The following PSIP1 variants were observed in gnomAD, a reference collection of about 807,000 sequenced individuals.
The protein encoded by PSIP1 is PC4 and SRSF1 interacting protein 1.
In PSIP1, 19 loss-of-function variants were observed where a neutral mutation model predicts 74.7. That is an observed-to-expected ratio of 0.25 (90% CI 0.18 to 0.37). PSIP1 has a LOEUF of 0.37. Ranked by LOEUF, PSIP1 falls within the 10% of genes least tolerant of loss-of-function variation. The probability of loss-of-function intolerance (pLI) is 1.00; values close to 1 mark genes in which losing one functional copy is unlikely to be tolerated. For missense variants in PSIP1, 601 were observed against 614.3 expected, an observed-to-expected ratio of 0.98 and a Z score of 0.23; for synonymous variants, 222 against 195.3, an observed-to-expected ratio of 1.14 and a Z score of -1.14.
At chr9:15,468,399 A>C (rs533188975) in intron 14 of PSIP1, 13 of 699,944 alleles carry the variant, frequency 1.9e-5, no homozygotes, top group Non-Finnish European at 3.4e-5. Flanking sequence ...CATCTGCCTC[A>C]TGAGCAATGG....
At chr9:15,502,890 T>C (rs943674307) in intron 3 of PSIP1, among the ~76,000 whole-genome samples, 2 of 152,240 alleles carry the variant, frequency 1.3e-5, no homozygotes, top group African/African-American at 2.4e-5. Flanking sequence ...TTACTATGAA[T>C]GTCCTAAGTA....
rs971317842 is a variant in PSIP1 at position 15,465,174 on chromosome 9, G to A, written c.*346C>T. 8.1e-6 allele frequency: 2 copies of A among 248,296 alleles called. No individual in the cohort carries two copies. The highest frequency in any genetic ancestry group is 4.4e-5 in the African/African-American group (2 of 45,622). The allele number at this position is 248,296 out of a possible 1,614,324, so 15.4% of individuals were successfully genotyped here. On this transcript the variant is annotated 3_prime_UTR_variant, in exon 16 of 16. Transcript: ENST00000380733. ...CACAGTATTTGGGAAAAGAGGCAAGGTTTATACAAGTAGCAGTTTTAAAAA... is the reference window on the plus strand; with the variant it reads ...CACAGTATTTGGGAAAAGAGGCAAGATTTATACAAGTAGCAGTTTTAAAAA...
intron 5 of PSIP1, 56 bp from the exon 6 acceptor site, chr9:15,486,124 A>C: frequency 7.2e-7 from 1 of 1,382,374 alleles, no homozygotes; most frequent in Admixed American, 2.0e-5. Flanking sequence ...GAATGAAAGA[A>C]ACCTTGTTAA....
In PSIP1 at chr9:15,509,956, G is replaced by C. The variant is rs533913452; in HGVS notation, c.72+161C>G. Among the ~76,000 whole-genome samples the C allele has an allele frequency of 2.6e-5, 4 of 152,244 alleles. No homozygotes were observed. In the South Asian group the frequency reaches 8.3e-4, roughly 32 times the overall value. On this transcript the variant is annotated intron_variant, in intron 2 of 15. Transcript: ENST00000380733. ...AACGTCTGGATTTTCATAATTACACGGGAGATTATTGGGCAAAAAACTAAA... is the reference window on the plus strand; with the variant it reads ...AACGTCTGGATTTTCATAATTACACCGGAGATTATTGGGCAAAAAACTAAA...
At chr9:15,509,623 A>G (rs779076051) in intron 2 of PSIP1, among the ~76,000 whole-genome samples, 13 of 152,254 alleles carry the variant, frequency 8.5e-5, no homozygotes, top group Non-Finnish European at 1.5e-4. Context: ...TGTATTAAAC[A>G]AGCAAATCCA....
chr9:15,469,130 T>A, intron 12 of PSIP1, 72 bp from the exon 13 acceptor site: 1 of 1,472,246 alleles, frequency 6.8e-7, no homozygotes, highest in Non-Finnish European at 9.3e-7. Context: ...CTAAAGATCG[T>A]TTCCAAAAAA....
Position 15,486,072 on chromosome 9 carries a change from A to AAAAAG in PSIP1, c.394-9_394-5dup. On this transcript the variant is annotated splice_region_variant and splice_polypyrimidine_tract_variant and intron_variant, in intron 5 of 15. Transcript: ENST00000380733. ...TGTCAACTGCTTTAGTCACATCCTA[A>AAAAAG]AAAAGAAAAAAGAAAACTGAATACT... 1 of 1,579,988 alleles carries AAAAAG rather than the reference A, an allele frequency of 6.3e-7. No homozygotes were observed. Among genetic ancestry groups the AAAAAG allele is most frequent in the Non-Finnish European group, 8.6e-7 (1 of 1,157,094 alleles).
chr9:15,474,922 A>G (rs184664530), intron 8 of PSIP1, among the ~76,000 whole-genome samples: 48 of 152,340 alleles, frequency 3.2e-4, no homozygotes, highest in South Asian at 1.0e-3. Flanking sequence ...CTGTCCAAAG[A>G]ATTTCATTGA....
In PSIP1 at chr9:15,476,010, C is replaced by T. The variant is rs77871450; in HGVS notation, c.630-1773G>A. Among the ~76,000 whole-genome samples the T allele has an allele frequency of 9.9e-3, 1,512 of 152,160 alleles. 29 individuals are homozygous for T. Among genetic ancestry groups the T allele is most frequent in the African/African-American group, 0.035 (1,454 of 41,502 alleles). On this transcript the variant is annotated intron_variant, in intron 8 of 15. Coordinates refer to ENST00000380733, the MANE Select transcript of PSIP1 (RefSeq NM_033222.5). ...TCTGGGCTCTATTCTACTGTTGTGT[C>T]ACATCAGTACCCGTGACAAAGAAGT... is the stretch of plus-strand genomic sequence containing the variant.
chr9:15,502,672 G>A (rs1008878627), intron 3 of PSIP1, among the ~76,000 whole-genome samples: 1 of 152,178 alleles, frequency 6.6e-6, no homozygotes, highest in African/African-American at 2.4e-5. Context: ...CAAAGAACAA[G>A]ATTTGCTGAC....
Position 15,479,632 on chromosome 9 carries a change from G to C in PSIP1, c.512C>G (p.Ser171Cys). The C allele has an allele frequency of 6.2e-7, 1 of 1,610,358 alleles. No homozygotes were observed. Among genetic ancestry groups the C allele is most frequent in the Non-Finnish European group, 8.5e-7 (1 of 1,178,496 alleles). The change falls in exon 7 of 16, where the codon TCT (serine) becomes TGT (cysteine). Residue 171 changes from serine (S) to cysteine (C), a missense_variant. Ser to Cys is a moderately radical substitution (Grantham distance 112). This residue lies in a region of PSIP1 where 538 missense variants were observed against 507.6 expected (regional missense o/e 1.06). Coordinates refer to ENST00000380733, the MANE Select transcript of PSIP1 (RefSeq NM_033222.5). ...EAGVVTTATA[S>C]VNLKVSPKRG... is the part of the protein sequence containing the mutation. Reference sequence around the variant, plus strand: ...TTTAGGACTCACTTTTAGATTAACAGATGCTGTTGCTGTTGTCACTACTCC... The same window carrying C: ...TTTAGGACTCACTTTTAGATTAACACATGCTGTTGCTGTTGTCACTACTCC...
At chr9:15,503,159 G>C (rs746034685) in intron 3 of PSIP1, among the ~76,000 whole-genome samples, 3 of 152,140 alleles carry the variant, frequency 2.0e-5, no homozygotes, top group African/African-American at 4.8e-5. Flanking sequence ...TTGAGGTCAG[G>C]AGTTTGAGAC....
At chr9:15,488,932 A>C (rs1165894825) in intron 4 of PSIP1, among the ~76,000 whole-genome samples, 1 of 152,150 alleles carries the variant, frequency 6.6e-6, no homozygotes, top group East Asian at 1.9e-4. Context: ...GAGGCAGGAG[A>C]ATGGTGTGAA....
Position 15,510,171 on chromosome 9 carries a change from T to C in PSIP1, c.18A>G (p.Lys6=). 6.2e-7 allele frequency: 1 copy of C among 1,605,774 alleles called. No homozygotes were observed. The highest frequency in any genetic ancestry group is 1.4e-5 in the African/African-American group (1 of 73,778). The change falls in exon 2 of 16, where the codon AAA becomes AAG. Residue 6 remains lysine, a synonymous_variant. Transcript: ENST00000380733. ...TCTTGGCGAAGATGAGGTCTCCAGGTTTGAAATCGCGAGTCATGTTTCGGG... is the reference window on the plus strand; with the variant it reads ...TCTTGGCGAAGATGAGGTCTCCAGGCTTGAAATCGCGAGTCATGTTTCGGG... MTRDF[K]PGDLIFAKMK... is the part of the protein sequence containing the mutation.
In PSIP1 at chr9:15,468,691, C is replaced by T. The variant is rs925126838; in HGVS notation, c.1359G>A (p.Ala453=). 23 of 1,613,912 alleles carry T rather than the reference C, an allele frequency of 1.4e-5. No homozygotes were observed. The highest frequency in any genetic ancestry group is 1.8e-5 in the Non-Finnish European group (21 of 1,179,986). ...TCTTCCCTTGATCTTTGGTTTTATT[C>T]GCTTCCTCATGCTGTCTTTGTTCAG... ...SLAEQRQHEE[A]NKTKDQGKKG... The change falls in exon 14 of 16, where the codon GCG becomes GCA. Residue 453 remains alanine (A), a synonymous_variant. Transcript: ENST00000380733.
intron 6 of PSIP1, among the ~76,000 whole-genome samples, chr9:15,484,611 C>T (rs998440452): frequency 1.3e-5 from 2 of 151,958 alleles, no homozygotes; most frequent in African/African-American, 4.8e-5. Context: ...CCCGTAATCC[C>T]AGCTAATCGG....
intron 6 of PSIP1, chr9:15,485,788 T>A (rs1275450174): frequency 2.5e-6 from 1 of 399,640 alleles, no homozygotes; most frequent in Non-Finnish European, 4.4e-6. Flanking sequence ...TGAAAACTGG[T>A]GTATTTTATT....
intron 4 of PSIP1, among the ~76,000 whole-genome samples, chr9:15,488,339 CAACAAA>C (rs1267013925): frequency 6.6e-6 from 1 of 151,960 alleles, no homozygotes; most frequent in Non-Finnish European, 1.5e-5. Context: ...TCAACAACAA[CAACAAA>C]AAAAAGAGTA....
chr9:15,477,841 A>T (rs1292010066), intron 8 of PSIP1, among the ~76,000 whole-genome samples: 4 of 152,090 alleles, frequency 2.6e-5, no homozygotes, highest in East Asian at 1.9e-4. Flanking sequence ...TAGAGGAGAT[A>T]AAAAAAAGAT....
Sources: allele counts gnomAD v4.1 joint callset (sites outside exome capture counted in the v4.1 genomes callset), GRCh38; gene constraint gnomAD v4.1.1; regional missense constraint gnomAD v4.1.1; transcripts MANE v1.5; gene names NCBI Gene and HGNC (gene_info 2026-07-23, HGNC 2026-07-21).